The following KDM4C variants were observed in gnomAD, a reference collection of about 807,000 sequenced individuals.
The protein encoded by KDM4C is lysine-specific demethylase 4C.
Under a neutral mutation model 129.3 loss-of-function variants are expected in KDM4C, and 81 were observed. The observed-to-expected ratio is 0.63, with a 90% confidence interval of 0.52 to 0.75. KDM4C has a LOEUF of 0.75. Ranked by LOEUF, KDM4C falls within the 30% of genes least tolerant of loss-of-function variation. The pLI, the probability that KDM4C is intolerant of heterozygous loss-of-function variation, is 0.00. For synonymous variants in KDM4C, 573 were observed against 456.1 expected (o/e 1.26, Z -3.26); for missense variants, 1,457 against 1,304.0 (o/e 1.12, Z -1.81).
chr9:7,125,145 C>T (rs951211585), intron 18 of KDM4C, among the ~76,000 whole-genome samples: 6 of 152,162 alleles, frequency 3.9e-5, no homozygotes, highest in African/African-American at 7.2e-5. Context: ...CCCTGCTCCC[C>T]GGGCCATTTC....
intron 8 of KDM4C, among the ~76,000 whole-genome samples, chr9:6,976,499 AGC>A (rs1832943788): frequency 6.6e-6 from 1 of 152,200 alleles, no homozygotes; most frequent in Non-Finnish European, 1.5e-5. Context: ...GGGTTCTTAA[AGC>A]CATTGAACAT....
intron 19 of KDM4C, among the ~76,000 whole-genome samples, chr9:7,139,939 A>C (rs907269296): frequency 5.3e-5 from 8 of 152,164 alleles, no homozygotes; most frequent in African/African-American, 1.9e-4. Context: ...TTAGAGCAGT[A>C]ATGAAAGGAA....
At chr9:7,097,773 A>C (rs1218374481) in intron 17 of KDM4C, among the ~76,000 whole-genome samples, 1 of 152,208 alleles carries the variant, frequency 6.6e-6, no homozygotes, top group Non-Finnish European at 1.5e-5. Context: ...TTTTATACCA[A>C]ATTAAGTTCC....
chr9:7,164,350 T>TAAAAAAAAAAAAAAAA (rs113564814), intron 19 of KDM4C, among the ~76,000 whole-genome samples: 2 of 148,344 alleles, frequency 1.3e-5, no homozygotes. Context: ...TGCCACGCCT[T>TAAAAAAAAAAAAAAAA]AAAAAAACAA....
chr9:6,839,851 A>G (rs1836588568), intron 4 of KDM4C, among the ~76,000 whole-genome samples: 1 of 152,032 alleles, frequency 6.6e-6, no homozygotes, highest in South Asian at 2.1e-4. Context: ...TGCAGTGAGC[A>G]GAGATCGCGT....
intron 7 of KDM4C, among the ~76,000 whole-genome samples, chr9:6,889,766 G>T (rs890522873): frequency 6.6e-6 from 1 of 152,226 alleles, no homozygotes; most frequent in Non-Finnish European, 1.5e-5. Flanking sequence ...CTGGTGTTAG[G>T]TGTTGGTGGT....
intron 4 of KDM4C, among the ~76,000 whole-genome samples, chr9:6,843,486 A>G (rs1837339429): frequency 6.6e-6 from 1 of 152,238 alleles, no homozygotes; most frequent in African/African-American, 2.4e-5. Context: ...TCTGCTAGGA[A>G]TAATGTATTT....
At position 6,758,413 on chromosome 9, in the gene KDM4C, C is replaced by T. The variant is rs983227102; in HGVS notation, c.-18+210C>T. On this transcript the variant is annotated intron_variant, in intron 1 of 21. Transcript: ENST00000381309. The surrounding 1 kb of genome is among the most constrained non-coding windows in gnomAD (Gnocchi z 4.6). Reference sequence around the variant, plus strand: ...GGCCGCAGGGGAGGGATGCGGGGGCCGGTGACAGCCCGCTCCGGCCCTTAC... The same window carrying T: ...GGCCGCAGGGGAGGGATGCGGGGGCTGGTGACAGCCCGCTCCGGCCCTTAC... Among the ~76,000 whole-genome samples, 13 of 152,294 alleles carry T rather than the reference C, an allele frequency of 8.5e-5. 1 individual carries two copies. Among genetic ancestry groups the T allele is most frequent in the Admixed American group, 7.2e-4 (11 of 15,300 alleles).
intron 1 of KDM4C, among the ~76,000 whole-genome samples, chr9:6,781,892 C>T (rs1318201576): frequency 2.6e-5 from 4 of 151,066 alleles, no homozygotes; most frequent in South Asian, 2.1e-4. Context: ...GGCATTATCT[C>T]GGCTCACCTG....
At chr9:7,033,231 T>C (rs574463982) in intron 15 of KDM4C, among the ~76,000 whole-genome samples, 3 of 152,016 alleles carry the variant, frequency 2.0e-5, no homozygotes, top group African/African-American at 4.8e-5. Context: ...TTGATCTTTA[T>C]ACAAAGTAAA....
intron 1 of KDM4C, among the ~76,000 whole-genome samples, chr9:6,747,168 G>A (rs1173931784): frequency 6.6e-6 from 1 of 151,518 alleles, no homozygotes; most frequent in Non-Finnish European, 1.5e-5. Context: ...ACTTCAGCCC[G>A]GGTGATAGAG....
intron 8 of KDM4C, among the ~76,000 whole-genome samples, chr9:6,953,922 G>A (rs1828614530): frequency 6.6e-6 from 1 of 152,112 alleles, no homozygotes; most frequent in East Asian, 1.9e-4. Flanking sequence ...GCTCTCCAAA[G>A]TCACCACATA....
At chr9:6,764,881 C>T (rs570845352) in intron 1 of KDM4C, among the ~76,000 whole-genome samples, 2 of 152,320 alleles carry the variant, frequency 1.3e-5, no homozygotes, top group African/African-American at 2.4e-5. Context: ...CCTCTCAGCT[C>T]TGCTTCTCTG....
upstream of KDM4C, among the ~76,000 whole-genome samples, chr9:6,753,576 CTGGG>C (rs1173189733): frequency 6.6e-6 from 1 of 152,002 alleles, no homozygotes; most frequent in African/African-American, 2.4e-5. Flanking sequence ...ACCTGGCAGA[CTGGG>C]TAATTTATAA....
At chr9:6,760,207 A>C (rs544721711) in intron 1 of KDM4C, among the ~76,000 whole-genome samples, 2 of 151,652 alleles carry the variant, frequency 1.3e-5, no homozygotes, top group African/African-American at 4.8e-5. Context: ...ATAATACACT[A>C]TCTGGTCTTC....
intron 4 of KDM4C, among the ~76,000 whole-genome samples, chr9:6,842,739 G>T (rs904652001): frequency 1.3e-5 from 2 of 152,100 alleles, no homozygotes; most frequent in African/African-American, 2.4e-5. Flanking sequence ...CTGAGTAATG[G>T]CTGTCTCCTT....
intron 8 of KDM4C, chr9:6,924,915 C>G: frequency 1.0e-6 from 1 of 984,526 alleles, no homozygotes; most frequent in Non-Finnish European, 1.2e-6. Context: ...AGAGTACAGC[C>G]TTTAGTTCTA....
At chr9:6,867,015 A>G (rs13291967) in intron 5 of KDM4C, among the ~76,000 whole-genome samples, 1 of 114,252 alleles carries the variant, frequency 8.8e-6, no homozygotes, top group African/African-American at 3.4e-5. Context: ...ATATATATAT[A>G]TATTTTTTTT....
chr9:7,004,812 A>G (rs1490872937), intron 12 of KDM4C, among the ~76,000 whole-genome samples: 1 of 152,182 alleles, frequency 6.6e-6, no homozygotes, highest in Non-Finnish European at 1.5e-5. Context: ...GTCATCTTAA[A>G]CACATTACAG....
Sources: gnomAD v4.1 joint callset for allele counts (sites outside exome capture counted in the v4.1 genomes callset) on GRCh38, gnomAD v4.1.1 for gene constraint, Gnocchi (gnomAD v3.1) non-coding constraint, MANE v1.5 for transcripts, NCBI Gene and HGNC (gene_info 2026-07-23, HGNC 2026-07-21) for gene names.